Variants in SREBF1 observed in about 807,000 individuals in gnomAD.
The protein encoded by SREBF1 is sterol regulatory element binding transcription factor 1, also known as sterol regulatory element-binding protein 1.
Under a neutral mutation model 100.1 loss-of-function variants are expected in SREBF1, and 45 were observed. The ratio of observed to expected loss-of-function variants is 0.45; its 90% CI spans 0.35 to 0.58. The LOEUF (loss-of-function observed/expected upper bound fraction) is 0.58. Ranked by LOEUF, SREBF1 falls within the 20% of genes least tolerant of loss-of-function variation. SREBF1 has a pLI of 0.00. For missense variants in SREBF1, 1,324 were observed against 1,539.4 expected, an observed-to-expected ratio of 0.86 and a Z score of 2.34; for synonymous variants, 657 against 681.8, an observed-to-expected ratio of 0.96 and a Z score of 0.57.
chr17:17,815,819 TGAGGGACAGGA>T (rs1194180323), intron 12 of SREBF1, 30 bp downstream of exon 12: 2 of 1,587,720 alleles, frequency 1.3e-6, no homozygotes, highest in Non-Finnish European at 8.6e-7. Context: ...GGAATGAGGA[TGAGGGACAGGA>T]GAGGGGACAG....
chr17:17,818,133 T>C, intron 6 of SREBF1, 127 bp downstream of exon 6: 1 of 465,992 alleles, frequency 2.1e-6, no homozygotes, highest in Non-Finnish European at 3.3e-6. Flanking sequence ...CAGCCAAGGG[T>C]GAGGTGGGCA....
chr17:17,836,453 C>A (rs1216162630), intron 1 of SREBF1, among the ~76,000 whole-genome samples: 1 of 152,182 alleles, frequency 6.6e-6, no homozygotes, highest in Admixed American at 6.5e-5. Context: ...CGGCCTGGGA[C>A]GCGTAGAGGC....
chr17:17,835,201 T>C (rs1212326919), intron 1 of SREBF1, among the ~76,000 whole-genome samples: 2 of 152,130 alleles, frequency 1.3e-5, no homozygotes, highest in Non-Finnish European at 2.9e-5. Context: ...CTTGGTCACG[T>C]TGCCTCTTGG....
Position 17,836,797 on chromosome 17 carries a change from G to C in SREBF1, c.21C>G (p.Ser7Arg). 26 of 1,546,798 alleles carry C rather than the reference G, an allele frequency of 1.7e-5. No homozygotes were observed. The highest frequency in any genetic ancestry group is 2.2e-5 in the Non-Finnish European group (25 of 1,153,514). The change falls in exon 1 of 19, where the codon AGC (serine) becomes AGG (arginine). Residue 7 changes from serine to arginine, a missense_variant. Transcript: ENST00000261646. ...CCAGCGCCTGCTCCAAAGCCGCCTC[G>C]CTGAAGGGTGGCTCGTCCATGGCGC... MDEPPF[S>R]EAALEQALGE...
intron 1 of SREBF1, 177 bp from the exon 2 acceptor site, chr17:17,820,698 G>A (rs1474587922): frequency 7.0e-6 from 5 of 716,250 alleles, no homozygotes; most frequent in Non-Finnish European, 1.2e-5. Context: ...CGGACATACA[G>A]CCATTTTGCG....
In SREBF1 at chr17:17,819,154, T is replaced by C. The variant is rs754459190; in HGVS notation, c.927A>G (p.Ala309=). 4.3e-6 allele frequency: 7 copies of C among 1,614,170 alleles called. No homozygotes were observed. Among genetic ancestry groups the C allele is most frequent in the Non-Finnish European group, 5.9e-6 (7 of 1,180,048 alleles). The change falls in exon 5 of 19, where the codon GCA becomes GCG. Residue 309 remains alanine (A), a synonymous_variant. Transcript: ENST00000261646. ...DAEKLPINRL[A]AGSKAPASAQ... is the part of the protein sequence containing the mutation. ...CAGAGGCCGGGGCCTTGCTGCCAGCTGCGAGCCGGTTGATAGGCAGCTTCT... is the reference window on the plus strand; with the variant it reads ...CAGAGGCCGGGGCCTTGCTGCCAGCCGCGAGCCGGTTGATAGGCAGCTTCT...
chr17:17,833,648 T>G (rs1477660370), intron 1 of SREBF1, among the ~76,000 whole-genome samples: 1 of 151,576 alleles, frequency 6.6e-6, no homozygotes, highest in African/African-American at 2.4e-5. Flanking sequence ...ATGGGTAAAT[T>G]TTGTGATACA....
chr17:17,812,150 A>ATCTAT lies in SREBF1; in HGVS notation c.*471_*472insATAGA. ...TGAAAATAAAGTTTGCAAAAGGCAA[A>ATCTAT]GTAGCACAGGAGCCTCAGGTCAGGA... On this transcript the variant is annotated 3_prime_UTR_variant, in exon 19 of 19. Transcript: ENST00000261646. 1 of 431,070 alleles carries ATCTAT rather than the reference A, an allele frequency of 2.3e-6. No individual in the cohort carries two copies. The highest frequency in any genetic ancestry group is 1.7e-5 in the South Asian group (1 of 58,544). The allele number at this position is 431,070 out of a possible 1,614,324, so 26.7% of individuals were successfully genotyped here.
Position 17,815,119 on chromosome 17 carries a change from CG to C in SREBF1, c.2492+101del, listed in dbSNP as rs2033415529. 3 of 1,298,884 alleles carry C rather than the reference CG, an allele frequency of 2.3e-6. No homozygotes were observed. The Admixed American group carries it at 5.1e-5, about 22-fold the overall frequency. The allele number at this position is 1,298,884 out of a possible 1,614,324, so 80.5% of individuals were successfully genotyped here. A position where few individuals can be genotyped will look rare whatever the true frequency, so the allele number is the denominator to read the frequency against. ...AGGAATGAAGCGTGCATGGCACGCA[CG>C]GTAGCCCAGCTCTGGGCTCTCTCCA... is the stretch of plus-strand genomic sequence containing the variant. On this transcript the variant is annotated intron_variant, in intron 13 of 18. Transcript: ENST00000261646.
chr17:17,817,566 G>A lies in SREBF1; in HGVS notation c.1405-109C>T, dbSNP rs537837933. 4,536 of 1,519,892 alleles carry A rather than the reference G, an allele frequency of 3.0e-3. 28 individuals are homozygous for A. The highest frequency in any genetic ancestry group is 2.7e-3 in the Non-Finnish European group (3,035 of 1,115,484). 94.2% of individuals were successfully genotyped at this position (1,519,892 alleles called of 1,614,324 possible). Reference sequence around the variant, plus strand: ...TGCCCACCTTACTGTGGGACCCCACGTGGCTCCAGGCCTCAGTTATTCTGT... The same window carrying A: ...TGCCCACCTTACTGTGGGACCCCACATGGCTCCAGGCCTCAGTTATTCTGT... On this transcript the variant is annotated intron_variant, in intron 7 of 18. Transcript: ENST00000261646. The surrounding 1 kb of genome is among the most constrained non-coding windows in gnomAD (Gnocchi z 6.6).
At chr17:17,829,675 CA>C (rs1314893877) in intron 1 of SREBF1, among the ~76,000 whole-genome samples, 6 of 152,272 alleles carry the variant, frequency 3.9e-5, no homozygotes, top group Admixed American at 2.0e-4. Flanking sequence ...GACAGGGCCT[CA>C]CTATGTTGCC....
Position 17,813,360 on chromosome 17 carries a change from C to A in SREBF1, c.3214+8G>T. The A allele has an allele frequency of 1.3e-6, 2 of 1,586,764 alleles. No homozygotes were observed. Among genetic ancestry groups the A allele is most frequent in the African/African-American group, 1.3e-5 (1 of 74,476 alleles). On this transcript the variant is annotated splice_region_variant and intron_variant, in intron 18 of 18. Transcript: ENST00000261646. The stretch of plus-strand genomic sequence containing the variant: ...CAGCACATCCCTGGTCAGCAGCTGC[C>A]CCCTCACCTCCTTTGCCACCGGGGC...
intron 1 of SREBF1, among the ~76,000 whole-genome samples, chr17:17,825,605 T>A (rs1473086447): frequency 2.6e-5 from 1 of 38,476 alleles, no homozygotes; most frequent in Non-Finnish European, 9.5e-5. Context: ...GCCAATTTCT[T>A]TTTTTTTTTT....
At chr17:17,818,030 C>A in intron 6 of SREBF1, 114 bp from the exon 7 acceptor site, 1 of 1,189,680 alleles carries the variant, frequency 8.4e-7, no homozygotes, top group Non-Finnish European at 1.2e-6. Context: ...TAGCCCAGGA[C>A]GCTTTGATGG....
At chr17:17,835,796 G>C (rs1336486245) in intron 1 of SREBF1, among the ~76,000 whole-genome samples, 1 of 152,238 alleles carries the variant, frequency 6.6e-6, no homozygotes, top group Non-Finnish European at 1.5e-5. Context: ...TCCAAAGATG[G>C]AAGCCGGTGC....
chr17:17,836,012 G>A (rs1021935245), intron 1 of SREBF1, among the ~76,000 whole-genome samples: 1 of 152,166 alleles, frequency 6.6e-6, no homozygotes, highest in African/African-American at 2.4e-5. Context: ...GTCCCTGACC[G>A]CTCTACCCAA....
At position 17,816,197 on chromosome 17, in the gene SREBF1, A is replaced by ACCCCCCCACCCCCGCCAC. The variant is rs375017710; in HGVS notation, c.2214+9_2214+10insGTGGCGGGGGTGGGGGGG. 11 of 1,137,390 alleles carry ACCCCCCCACCCCCGCCAC rather than the reference A, an allele frequency of 9.7e-6. No individual in the cohort carries two copies. The highest frequency in any genetic ancestry group is 1.3e-5 in the Non-Finnish European group (11 of 876,028). 70.5% of individuals were successfully genotyped at this position (1,137,390 alleles called of 1,614,324 possible). On this transcript the variant is annotated intron_variant, in intron 11 of 18. Coordinates refer to ENST00000261646, the MANE Select transcript of SREBF1 (RefSeq NM_004176.5). ...GCAGGGATAAGCCCCCAGCCCCCCA[A>ACCCCCCCACCCCCGCCAC]CCCACTCACTGTCAGAAAATGCAAG...
intron 1 of SREBF1, chr17:17,823,469 G>T: frequency 7.2e-7 from 1 of 1,389,116 alleles, no homozygotes; most frequent in South Asian, 1.2e-5. Flanking sequence ...GAACCTGCAG[G>T]AGACGGAGGC....
rs1365383528 is a variant in SREBF1, at chr17:17,816,017, C to T, written c.2226G>A (p.Leu742=). The change falls in exon 12 of 19, where the codon CTG becomes CTA. Residue 742 remains leucine (L), a synonymous_variant. Coordinates refer to ENST00000261646, the MANE Select transcript of SREBF1 (RefSeq NM_004176.5). ...CCAGGCAGGCCTGGCGGGCACTGCT[C>T]AGGAAGAAGCGCTGTAGGGGAGGGT... ...RALHFLTRFF[L]SSARQACLAQ... is the part of the protein sequence containing the mutation. 6.2e-7 allele frequency: 1 copy of T among 1,612,072 alleles called. No individual in the cohort carries two copies. The highest frequency in any genetic ancestry group is 1.3e-5 in the African/African-American group (1 of 74,862).
Sources: gnomAD v4.1 joint callset for allele counts (sites outside exome capture counted in the v4.1 genomes callset) on GRCh38, gnomAD v4.1.1 for gene constraint, Gnocchi (gnomAD v3.1) non-coding constraint, MANE v1.5 for transcripts, NCBI Gene and HGNC (gene_info 2026-07-23, HGNC 2026-07-21) for gene names.